The following ROBO1 variants were observed in gnomAD, a reference collection of about 807,000 sequenced individuals.
The protein encoded by ROBO1 is roundabout homolog 1.
Under a neutral mutation model 195.9 loss-of-function variants are expected in ROBO1, and 149 were observed. The observed-to-expected ratio is 0.76, with a 90% CI of 0.67 to 0.87. The LOEUF (loss-of-function observed/expected upper bound fraction) is 0.87. Among genes scored for constraint, ROBO1 ranks in the 40% least tolerant of loss-of-function variants. The pLI is 0.00. For missense variants in ROBO1, 1,933 were observed against 2,068.3 expected (o/e 0.93, Z 1.27); for synonymous variants, 816 against 733.2 (o/e 1.11, Z -1.82).
chr3:78,725,084 G>C (rs2082131294), intron 5 of ROBO1, among the ~76,000 whole-genome samples: 1 of 152,128 alleles, frequency 6.6e-6, no homozygotes, highest in South Asian at 2.1e-4. Context: ...CTGGCATTTA[G>C]CCTATGTCAA....
chr3:78,942,953 G>A (rs370618206), intron 3 of ROBO1, among the ~76,000 whole-genome samples: 2 of 151,706 alleles, frequency 1.3e-5, no homozygotes, highest in East Asian at 2.0e-4. Context: ...GGTGGGTCAC[G>A]CCTGTAATCC....
At chr3:79,091,455 C>T (rs538819695) in intron 3 of ROBO1, among the ~76,000 whole-genome samples, 1 of 152,214 alleles carries the variant, frequency 6.6e-6, no homozygotes, top group African/African-American at 2.4e-5. Context: ...TCAGATCTTA[C>T]TACCTTCATT....
chr3:79,607,529 A>G (rs1433025836), intron 1 of ROBO1, among the ~76,000 whole-genome samples: 2 of 151,482 alleles, frequency 1.3e-5, no homozygotes, highest in Admixed American at 6.6e-5. Flanking sequence ...AAAATTTTTG[A>G]TATTCTTAAA....
intron 2 of ROBO1, among the ~76,000 whole-genome samples, chr3:79,264,642 T>G (rs1186746090): frequency 6.6e-6 from 1 of 151,918 alleles, no homozygotes; most frequent in African/African-American, 2.4e-5. Context: ...AAAAATATGT[T>G]CCTCACCTCA....
At chr3:79,652,458 G>C (rs1247289364) in intron 1 of ROBO1, among the ~76,000 whole-genome samples, 1 of 152,092 alleles carries the variant, frequency 6.6e-6, no homozygotes, top group Admixed American at 6.6e-5. Context: ...TCATTCAGAT[G>C]AAAGTGGCTT....
intron 5 of ROBO1, among the ~76,000 whole-genome samples, chr3:78,745,601 C>CA (rs2082638427): frequency 6.6e-6 from 1 of 152,080 alleles, no homozygotes; most frequent in Non-Finnish European, 1.5e-5. Context: ...ACTTCATTTC[C>CA]AAAAACCAAT....
At chr3:79,436,076 C>T (rs1268401746) in intron 2 of ROBO1, among the ~76,000 whole-genome samples, 1 of 152,048 alleles carries the variant, frequency 6.6e-6, no homozygotes, top group Non-Finnish European at 1.5e-5. Flanking sequence ...ACACTGGACC[C>T]TTGTAAAGAA....
At chr3:78,773,039 T>A (rs1250341184) in intron 4 of ROBO1, among the ~76,000 whole-genome samples, 2 of 152,094 alleles carry the variant, frequency 1.3e-5, no homozygotes, top group African/African-American at 4.8e-5. Context: ...GAAAAAGTAA[T>A]ACTTAACACT....
intron 10 of ROBO1, among the ~76,000 whole-genome samples, chr3:78,682,467 A>G (rs1469719426): frequency 2.0e-5 from 3 of 147,570 alleles, no homozygotes; most frequent in Admixed American, 1.4e-4. Context: ...ATATATGTAT[A>G]TATATGACTG....
intron 3 of ROBO1, among the ~76,000 whole-genome samples, chr3:79,094,657 T>C (rs779838771): frequency 4.7e-4 from 72 of 152,264 alleles, no homozygotes; most frequent in Admixed American, 1.0e-3. Context: ...TAAATACTAA[T>C]GTTCTTTAAA....
intron 2 of ROBO1, among the ~76,000 whole-genome samples, chr3:79,550,495 G>A (rs1559984962): frequency 6.6e-6 from 1 of 152,190 alleles, no homozygotes; most frequent in Non-Finnish European, 1.5e-5. Context: ...AACACTTAGA[G>A]AGGAACATTT....
intron 2 of ROBO1, among the ~76,000 whole-genome samples, chr3:79,505,521 T>C (rs1940343457): frequency 6.6e-6 from 1 of 152,150 alleles, no homozygotes; most frequent in African/African-American, 2.4e-5. Flanking sequence ...TTAAGGACCA[T>C]GCTGAGAGAG....
intron 22 of ROBO1, among the ~76,000 whole-genome samples, chr3:78,637,975 G>T (rs991378893): frequency 5.6e-4 from 77 of 136,318 alleles, no homozygotes; most frequent in Admixed American, 2.6e-3. Context: ...GCAATATTGG[G>T]TTTTTTTTTG....
chr3:79,338,178 T>G (rs1379384577), intron 2 of ROBO1, among the ~76,000 whole-genome samples: 2 of 152,218 alleles, frequency 1.3e-5, no homozygotes, highest in African/African-American at 2.4e-5. Flanking sequence ...CTTTGGAATT[T>G]GATTAAATAA....
chr3:79,378,154 A>ACTCTCT (rs3057946), intron 2 of ROBO1, among the ~76,000 whole-genome samples: 5,894 of 146,700 alleles, frequency 0.04, 380 homozygotes, highest in African/African-American at 0.14. Context: ...TCTTATGGTC[A>ACTCTCT]CTCTCTCTCT....
At chr3:79,255,037 A>G (rs901659946) in intron 2 of ROBO1, among the ~76,000 whole-genome samples, 2 of 152,172 alleles carry the variant, frequency 1.3e-5, no homozygotes, top group African/African-American at 2.4e-5. Flanking sequence ...ATAGAAGTTG[A>G]AAAAAGTCTT....
At chr3:79,017,450 AGT>A (rs60522056) in intron 3 of ROBO1, among the ~76,000 whole-genome samples, 7,430 of 133,270 alleles carry the variant, frequency 0.056, 179 homozygotes, top group Middle Eastern at 0.15. Context: ...TCCGAGGTGC[AGT>A]GTGTGTGTGT....
chr3:79,160,638 T>C (rs1313423972), intron 2 of ROBO1, among the ~76,000 whole-genome samples: 1 of 152,072 alleles, frequency 6.6e-6, no homozygotes, highest in African/African-American at 2.4e-5. Flanking sequence ...AGTTTTCACA[T>C]GATTGACTGG....
chr3:78,950,479 G>A (rs2040714436), intron 3 of ROBO1, among the ~76,000 whole-genome samples: 1 of 134,104 alleles, frequency 7.5e-6, no homozygotes, highest in Admixed American at 8.6e-5. Context: ...CACGGACACA[G>A]GAAGGGGAAC....
Sources: gnomAD v4.1 joint callset for allele counts (sites outside exome capture counted in the v4.1 genomes callset) on GRCh38, gnomAD v4.1.1 for gene constraint, MANE v1.5 for transcripts, NCBI Gene and HGNC (gene_info 2026-07-23, HGNC 2026-07-21) for gene names.